Variants in INTU observed in about 807,000 individuals in gnomAD.
The protein encoded by INTU is protein inturned.
In INTU, 68 loss-of-function variants were observed where a neutral mutation model predicts 100.5. That is an observed-to-expected ratio of 0.68 (90% CI 0.56 to 0.83). INTU has a LOEUF of 0.83. INTU is among the 40% of genes least tolerant of loss of function. INTU has a pLI of 0.00. For missense variants in INTU, 1,071 were observed against 1,114.7 expected (o/e 0.96, Z 0.56); for synonymous variants, 357 against 395.7 (o/e 0.90, Z 1.16).
At chr4:127,645,043 A>G (rs1727512195) in intron 2 of INTU, among the ~76,000 whole-genome samples, 1 of 152,220 alleles carries the variant, frequency 6.6e-6, no homozygotes, top group African/African-American at 2.4e-5. Flanking sequence ...TCACTGTCTG[A>G]TAAGTGTCAT....
At chr4:127,660,344 A>G (rs1728422340) in intron 3 of INTU, among the ~76,000 whole-genome samples, 1 of 152,230 alleles carries the variant, frequency 6.6e-6, no homozygotes. Flanking sequence ...TGAGCCAGTC[A>G]GACTCGATTC....
intron 6 of INTU, among the ~76,000 whole-genome samples, chr4:127,681,134 T>G (rs1429913319): frequency 6.6e-6 from 1 of 152,164 alleles, no homozygotes; most frequent in Non-Finnish European, 1.5e-5. Flanking sequence ...CATTCCATGC[T>G]CATGGGTAGG....
At chr4:127,699,950 TA>T in intron 8 of INTU, 59 bp from the exon 9 acceptor site, 3 of 1,343,928 alleles carry the variant, frequency 2.2e-6, no homozygotes, top group East Asian at 2.5e-5. Context: ...TGGCCATTAC[TA>T]AAAAAGTAAC....
rs1355524724 is a variant in INTU, at chr4:127,673,984, G to A, written c.1092-140G>A. The A allele has an allele frequency of 9.2e-6, 4 of 432,704 alleles. No individual in the cohort carries two copies. In the East Asian group the frequency reaches 1.5e-4, roughly 16 times the overall value. The allele number at this position is 432,704 out of a possible 1,614,324, so 26.8% of individuals were successfully genotyped here. Reference sequence around the variant, plus strand: ...TCATATAATTCCTTGCGTTTTTTATGTGACAGGAATATGAAAAGAAATCAC... The same window carrying A: ...TCATATAATTCCTTGCGTTTTTTATATGACAGGAATATGAAAAGAAATCAC... On this transcript the variant is annotated intron_variant, in intron 5 of 15. Transcript: ENST00000335251.
rs1278116162 is a variant in INTU at position 127,717,366 on chromosome 4, AT to A, written c.*934del. ...GTATTCCATGGTGTATGTGTACCAC[AT>A]TTTCTTTATCCAGTCTATTGCTGAT... On this transcript the variant is annotated 3_prime_UTR_variant, in exon 16 of 16. Transcript: ENST00000335251. 1 of 151,988 alleles carries A rather than the reference AT, an allele frequency of 6.6e-6. No homozygotes were observed. Among genetic ancestry groups the A allele is most frequent in the Admixed American group, 6.5e-5 (1 of 15,274 alleles). 9.4% of individuals were successfully genotyped at this position (151,988 alleles called of 1,614,324 possible).
chr4:127,672,754 A>G (rs1466695609), intron 5 of INTU, among the ~76,000 whole-genome samples: 2 of 152,142 alleles, frequency 1.3e-5, no homozygotes, highest in African/African-American at 2.4e-5. Flanking sequence ...TAAAAGTATT[A>G]AGACAAAAGC....
At chr4:127,683,794 A>G (rs1289058835) in intron 6 of INTU, 2 of 152,110 alleles carry the variant, frequency 1.3e-5, no homozygotes, top group Non-Finnish European at 2.9e-5. Context: ...CTCCCTTTCT[A>G]CCCTTGCAGA....
At chr4:127,648,199 G>A (rs768773522) in intron 2 of INTU, among the ~76,000 whole-genome samples, 25 of 152,160 alleles carry the variant, frequency 1.6e-4, no homozygotes, top group Non-Finnish European at 2.6e-4. Context: ...AATGACTCCC[G>A]TGTACTTATG....
intron 4 of INTU, among the ~76,000 whole-genome samples, chr4:127,665,437 T>A: frequency 6.6e-6 from 1 of 152,086 alleles, no homozygotes; most frequent in East Asian, 1.9e-4. Flanking sequence ...TAAATATTTC[T>A]TTTTAGTGAA....
At chr4:127,674,813 C>T (rs1729099943) in intron 6 of INTU, among the ~76,000 whole-genome samples, 1 of 152,160 alleles carries the variant, frequency 6.6e-6, no homozygotes, top group Non-Finnish European at 1.5e-5. Flanking sequence ...ATTTATTAAA[C>T]TCATTTAATC....
At chr4:127,651,432 C>T (rs1404423337) in intron 2 of INTU, among the ~76,000 whole-genome samples, 2 of 152,232 alleles carry the variant, frequency 1.3e-5, no homozygotes, top group Admixed American at 1.3e-4. Flanking sequence ...CAGCTTTCTA[C>T]ATATGGCTAG....
At chr4:127,664,661 T>C (rs1434088476) in intron 4 of INTU, among the ~76,000 whole-genome samples, 2 of 152,038 alleles carry the variant, frequency 1.3e-5, no homozygotes, top group African/African-American at 4.8e-5. Context: ...TTTTTTAACA[T>C]TAATGTTTTA....
chr4:127,640,111 T>C lies in INTU; in HGVS notation c.147-3410T>C, dbSNP rs1727244275. On this transcript the variant is annotated intron_variant, in intron 1 of 15. Transcript: ENST00000335251. ...GAAAAATACAGAAACACAAGAGTTATATCTAGTAAAAGCAAGAGGAAGGGA... is the reference window on the plus strand; with the variant it reads ...GAAAAATACAGAAACACAAGAGTTACATCTAGTAAAAGCAAGAGGAAGGGA... 2.6e-5 allele frequency among the ~76,000 whole-genome samples: 4 copies of C among 152,146 alleles called. No homozygotes were observed. In the South Asian group the frequency reaches 8.3e-4, roughly 31 times the overall value.
At chr4:127,637,468 C>T (rs1447749533) in intron 1 of INTU, among the ~76,000 whole-genome samples, 10 of 152,306 alleles carry the variant, frequency 6.6e-5, no homozygotes, top group Non-Finnish European at 1.2e-4. Context: ...CTTGCTTTCA[C>T]ACCTACACCT....
chr4:127,665,365 A>G (rs1013011405), intron 4 of INTU, among the ~76,000 whole-genome samples: 1 of 151,736 alleles, frequency 6.6e-6, no homozygotes, highest in Non-Finnish European at 1.5e-5. Flanking sequence ...TTCTTTACTC[A>G]TCATCCTCTT....
intron 1 of INTU, among the ~76,000 whole-genome samples, chr4:127,639,097 A>G (rs1489945795): frequency 6.6e-6 from 1 of 152,122 alleles, no homozygotes; most frequent in Non-Finnish European, 1.5e-5. Context: ...CACAACTATT[A>G]TGCATTTGTC....
intron 3 of INTU, among the ~76,000 whole-genome samples, chr4:127,661,708 A>C (rs776332472): frequency 4.3e-4 from 65 of 152,294 alleles, no homozygotes; most frequent in South Asian, 2.5e-3. Context: ...AAGAGTTCTC[A>C]AATTTCCAGG....
In INTU at chr4:127,722,969, G is replaced by T. The variant is rs1048604400; in HGVS notation, c.*6533G>T. Reference sequence around the variant, plus strand: ...TGCCTCACGGGAGTTCCCAGAGCCGGAGTATGCAAATACTCCAGTGTCTCA... The same window carrying T: ...TGCCTCACGGGAGTTCCCAGAGCCGTAGTATGCAAATACTCCAGTGTCTCA... On this transcript the variant is annotated 3_prime_UTR_variant, in exon 16 of 16. Coordinates refer to ENST00000335251, the MANE Select transcript of INTU (RefSeq NM_015693.4). 6.6e-6 allele frequency: 1 copy of T among 152,230 alleles called. No individual in the cohort carries two copies. Among genetic ancestry groups the T allele is most frequent in the Non-Finnish European group, 1.5e-5 (1 of 68,088 alleles). 9.4% of individuals were successfully genotyped at this position (152,230 alleles called of 1,614,324 possible).
intron 6 of INTU, among the ~76,000 whole-genome samples, chr4:127,678,720 C>A (rs1190781134): frequency 6.6e-6 from 1 of 152,126 alleles, no homozygotes; most frequent in East Asian, 1.9e-4. Flanking sequence ...CAGCTAACAT[C>A]ATAATGACAG....
Sources: gnomAD v4.1 joint callset for allele counts (sites outside exome capture counted in the v4.1 genomes callset) on GRCh38, gnomAD v4.1.1 for gene constraint, MANE v1.5 for transcripts, NCBI Gene and HGNC (gene_info 2026-07-23, HGNC 2026-07-21) for gene names.